SLC30A6: variants seen among roughly 807,000 people sequenced by gnomAD.
The protein encoded by SLC30A6 is solute carrier family 30 member 6.
SLC30A6 carries 55 observed loss-of-function variants against 63.0 expected under a neutral mutation model. The ratio of observed to expected loss-of-function variants is 0.87; its 90% CI spans 0.70 to 1.09. The LOEUF is 1.09. SLC30A6 is among the 50% of genes least tolerant of loss of function. SLC30A6 has a pLI of 0.00. For synonymous variants in SLC30A6, 224 were observed against 186.1 expected, an observed-to-expected ratio of 1.20 and a Z score of -1.66; for missense variants, 587 against 549.2, an observed-to-expected ratio of 1.07 and a Z score of -0.69.
At position 32,220,279 on chromosome 2, in the gene SLC30A6, A is replaced by G; in HGVS notation, c.952A>G (p.Asn318Asp). The G allele has an allele frequency of 6.2e-7, 1 of 1,614,222 alleles. No homozygotes were observed. The highest frequency in any genetic ancestry group is 1.1e-5 in the South Asian group (1 of 91,084). Reference sequence around the variant, plus strand: ...ACAAATGGTTCTTGCTCATGTGACCAACAGGCTGTACACTCTAGTGTCTAC... The same window carrying G: ...ACAAATGGTTCTTGCTCATGTGACCGACAGGCTGTACACTCTAGTGTCTAC... ...NEQMVLAHVTNRLYTLVSTLT... is the reference protein window; with the variant it reads ...NEQMVLAHVTDRLYTLVSTLT... The change falls in exon 14 of 14, where the codon AAC (asparagine) becomes GAC (aspartate). Residue 318 changes from asparagine (N) to aspartate (D), a missense_variant. Asn to Asp is a conservative substitution (Grantham distance 23). Transcript: ENST00000282587.
At chr2:32,206,062 A>C (rs1684741694) in intron 11 of SLC30A6, among the ~76,000 whole-genome samples, 1 of 152,138 alleles carries the variant, frequency 6.6e-6, no homozygotes, top group Admixed American at 6.6e-5. Flanking sequence ...CCTGCCACTG[A>C]ATCAGTGAGA....
chr2:32,174,890 T>G (rs1259987804), intron 3 of SLC30A6, among the ~76,000 whole-genome samples: 2 of 152,170 alleles, frequency 1.3e-5, no homozygotes, highest in Non-Finnish European at 2.9e-5. Flanking sequence ...AAACTTTAAT[T>G]TATGCAGTTT....
chr2:32,205,310 A>G (rs1390993414), intron 11 of SLC30A6, among the ~76,000 whole-genome samples: 1 of 152,042 alleles, frequency 6.6e-6, no homozygotes, highest in Non-Finnish European at 1.5e-5. Context: ...AATCCCAGCT[A>G]CTCGGGAGAC....
At chr2:32,203,511 G>T in intron 10 of SLC30A6, 1 of 1,605,936 alleles carries the variant, frequency 6.2e-7, no homozygotes. Context: ...CACATTTCTG[G>T]TGCATCAGGC....
At chr2:32,206,859 T>G (rs769066799) in intron 11 of SLC30A6, 27 bp from the exon 12 acceptor site, 3 of 1,598,012 alleles carry the variant, frequency 1.9e-6, no homozygotes, top group Non-Finnish European at 1.7e-6. Context: ...TCCCCCATTA[T>G]TCATATTTTA....
chr2:32,208,780 C>A (rs1180805599), intron 12 of SLC30A6, among the ~76,000 whole-genome samples: 1 of 152,132 alleles, frequency 6.6e-6, no homozygotes, highest in Non-Finnish European at 1.5e-5. Context: ...TCCCAAAGTA[C>A]TGGAATTGCA....
At chr2:32,202,709 A>T in intron 10 of SLC30A6, 1 of 678,454 alleles carries the variant, frequency 1.5e-6, no homozygotes, top group Non-Finnish European at 2.7e-6. Flanking sequence ...TTGCTGAACA[A>T]GTTGAAGATA....
chr2:32,169,554 G>A (rs1342492267), intron 1 of SLC30A6, among the ~76,000 whole-genome samples: 3 of 152,176 alleles, frequency 2.0e-5, no homozygotes, highest in Admixed American at 2.0e-4. Flanking sequence ...CAAGGCGGGC[G>A]GATCACGAGG....
At chr2:32,177,457 AT>A in intron 4 of SLC30A6, 3 of 230,454 alleles carry the variant, frequency 1.3e-5, no homozygotes, top group Admixed American at 1.2e-4. Context: ...GGCACGGCTA[AT>A]TTTTTGTATT....
At chr2:32,183,057 C>T (rs1376625069) in intron 4 of SLC30A6, among the ~76,000 whole-genome samples, 1 of 151,994 alleles carries the variant, frequency 6.6e-6, no homozygotes, top group Non-Finnish European at 1.5e-5. Context: ...CATGGTGGTG[C>T]ATGCCTGTAA....
chr2:32,176,551 G>A (rs1276813512), intron 4 of SLC30A6, among the ~76,000 whole-genome samples: 4 of 151,460 alleles, frequency 2.6e-5, no homozygotes, highest in African/African-American at 4.8e-5. Context: ...CCAGCTACTC[G>A]GGAGGCTGAG....
chr2:32,190,823 G>A (rs1447766731), intron 5 of SLC30A6, among the ~76,000 whole-genome samples: 2 of 152,040 alleles, frequency 1.3e-5, no homozygotes, highest in Admixed American at 6.6e-5. Flanking sequence ...ACTGGGTTTC[G>A]CCATGTTAGC....
Position 32,206,874 on chromosome 2 carries a change from A to AT in SLC30A6, c.769-7dup. The AT allele has an allele frequency of 2.5e-6, 4 of 1,608,860 alleles. No individual in the cohort carries two copies. Among genetic ancestry groups the AT allele is most frequent in the Non-Finnish European group, 3.4e-6 (4 of 1,175,588 alleles). The stretch of plus-strand genomic sequence containing the variant: ...TCCCCCATTATTCATATTTTATTGT[A>AT]TTTTTCCCCAGACAACACCACCCCA... On this transcript the variant is annotated splice_polypyrimidine_tract_variant and intron_variant, in intron 11 of 13. Coordinates refer to ENST00000282587, the MANE Select transcript of SLC30A6 (RefSeq NM_017964.5).
At chr2:32,174,478 C>T (rs1681531833) in intron 3 of SLC30A6, among the ~76,000 whole-genome samples, 1 of 151,754 alleles carries the variant, frequency 6.6e-6, no homozygotes, top group Non-Finnish European at 1.5e-5. Flanking sequence ...CAGGCGTAAG[C>T]CACAATGCCT....
rs565652434 is a variant in SLC30A6, at chr2:32,174,251, A to T, written c.175+104A>T. On this transcript the variant is annotated intron_variant, in intron 3 of 13. Transcript: ENST00000282587. ...TAGAATATATTATTCTGAAATGTATATAACTCAAATGATTTAAATAAGGGA... is the reference window on the plus strand; with the variant it reads ...TAGAATATATTATTCTGAAATGTATTTAACTCAAATGATTTAAATAAGGGA... The T allele has an allele frequency of 4.5e-5, 33 of 729,614 alleles. No individual in the cohort carries two copies. The African/African-American group carries it at 5.5e-4, about 12-fold the overall frequency. 45.2% of individuals were successfully genotyped at this position (729,614 alleles called of 1,614,324 possible).
At chr2:32,179,500 A>C (rs989287789) in intron 4 of SLC30A6, among the ~76,000 whole-genome samples, 1 of 152,188 alleles carries the variant, frequency 6.6e-6, no homozygotes, top group Admixed American at 6.5e-5. Context: ...CTTCATTTCC[A>C]GAGTTACTGA....
At chr2:32,202,490 C>T (rs561500396) in intron 10 of SLC30A6, 25 of 273,760 alleles carry the variant, frequency 9.1e-5, no homozygotes, top group African/African-American at 4.1e-4. Context: ...CCACCACCCC[C>T]GACTATTTTT....
At position 32,204,661 on chromosome 2, in the gene SLC30A6, T is replaced by C; in HGVS notation, c.737T>C (p.Met246Thr). Residue 246 changes from methionine to threonine, a missense_variant, in exon 11 of 14, where the codon ATG becomes ACG. Coordinates refer to ENST00000282587, the MANE Select transcript of SLC30A6 (RefSeq NM_017964.5). ...ATGACATTTGGCACTATGTATCCCA[T>C]GAGTGTGTACAGTGGGAAAGTCTTA... ...ALMTFGTMYP[M>T]SVYSGKVLLQ... The C allele has an allele frequency of 6.2e-7, 1 of 1,612,870 alleles. No homozygotes were observed. The highest frequency in any genetic ancestry group is 8.5e-7 in the Non-Finnish European group (1 of 1,179,164).
intron 13 of SLC30A6, among the ~76,000 whole-genome samples, chr2:32,214,867 TAGTGACAACTGTG>T (rs1685567134): frequency 1.3e-5 from 2 of 152,198 alleles, no homozygotes; most frequent in Non-Finnish European, 2.9e-5. Flanking sequence ...AATACTTAGG[TAGTGACAACTGTG>T]AATGGTAGTG....
Sources: allele counts gnomAD v4.1 joint callset (sites outside exome capture counted in the v4.1 genomes callset), GRCh38; gene constraint gnomAD v4.1.1; transcripts MANE v1.5; gene names NCBI Gene and HGNC (gene_info 2026-07-23, HGNC 2026-07-21).